Variants in TTC23 observed in about 807,000 individuals in gnomAD.
TTC23 encodes the protein tetratricopeptide repeat domain 23, also known as tetratricopeptide repeat protein 23.
TTC23 carries 58 observed loss-of-function variants against 55.1 expected under a neutral mutation model. That is an observed-to-expected ratio of 1.05 (90% CI 0.85 to 1.31). The LOEUF (loss-of-function observed/expected upper bound fraction) is 1.31, where lower values mean the gene tolerates loss of function less well. TTC23 is among the 50% of genes most tolerant of loss of function. The pLI is 0.00. For missense variants in TTC23, 516 were observed against 534.4 expected (o/e 0.97, Z 0.34); for synonymous variants, 203 against 199.9 (o/e 1.02, Z -0.13).
At chr15:99,156,439 T>C (rs1252664436) in intron 11 of TTC23, 142 bp from the exon 12 acceptor site, 1 of 972,660 alleles carries the variant, frequency 1.0e-6, no homozygotes, top group East Asian at 2.5e-5. Flanking sequence ...ATTCTCATGC[T>C]GCTATGAAGA....
chr15:99,160,637 A>C (rs1347779353), intron 11 of TTC23: 1 of 152,094 alleles, frequency 6.6e-6, no homozygotes, highest in Non-Finnish European at 1.5e-5. Context: ...AGGAACAACT[A>C]TATATATATG....
At chr15:99,205,282 G>T (rs1596650437) in intron 8 of TTC23, among the ~76,000 whole-genome samples, 1 of 151,922 alleles carries the variant, frequency 6.6e-6, no homozygotes, top group Non-Finnish European at 1.5e-5. Context: ...ACTCTTTTGG[G>T]ACTTTCGTGG....
At chr15:99,197,154 A>G (rs529519545) in intron 9 of TTC23, among the ~76,000 whole-genome samples, 229 of 151,656 alleles carry the variant, frequency 1.5e-3, no homozygotes, top group Middle Eastern at 3.4e-3. Context: ...CCAGGCTGGA[A>G]TGCAGTGGCG....
At chr15:99,199,792 A>T in intron 9 of TTC23, 127 bp downstream of exon 9, 1 of 926,146 alleles carries the variant, frequency 1.1e-6, no homozygotes, top group Non-Finnish European at 1.6e-6. Flanking sequence ...CATCTACTCT[A>T]GGCCAACTGT....
At chr15:99,200,212 C>G (rs2076087962) in intron 8 of TTC23, 116 bp from the exon 9 acceptor site, 3 of 943,108 alleles carry the variant, frequency 3.2e-6, no homozygotes, top group Admixed American at 3.2e-5. Flanking sequence ...GGTTCGTTTC[C>G]TTGCTAACTA....
intron 11 of TTC23, among the ~76,000 whole-genome samples, chr15:99,157,024 C>T (rs1408872154): frequency 6.6e-6 from 1 of 151,870 alleles, no homozygotes; most frequent in Non-Finnish European, 1.5e-5. Context: ...TTTTAATCCT[C>T]ATTAGGCAGA....
intron 5 of TTC23, 193 bp downstream of exon 5, chr15:99,228,340 G>T: frequency 2.3e-6 from 1 of 433,958 alleles, no homozygotes; most frequent in Non-Finnish European, 4.0e-6. Flanking sequence ...ATTTGTTGTT[G>T]GCCATGCGAA....
At chr15:99,195,005 G>C (rs747544291) in intron 9 of TTC23, among the ~76,000 whole-genome samples, 6 of 152,174 alleles carry the variant, frequency 3.9e-5, no homozygotes, top group African/African-American at 1.4e-4. Context: ...AGAAAATCTA[G>C]ATGACCTTGG....
intron 10 of TTC23, among the ~76,000 whole-genome samples, chr15:99,164,881 G>A (rs2602028): frequency 0.2 from 31,098 of 152,058 alleles, 3,328 homozygotes; most frequent in African/African-American, 0.24. Context: ...GCAGCAGGGT[G>A]AATGGGAAAG....
At chr15:99,199,091 C>G (rs1461862662) in intron 9 of TTC23, among the ~76,000 whole-genome samples, 1 of 152,136 alleles carries the variant, frequency 6.6e-6, no homozygotes, top group Non-Finnish European at 1.5e-5. Context: ...TATTCACAAT[C>G]AACTGATTTT....
intron 4 of TTC23, among the ~76,000 whole-genome samples, chr15:99,234,253 T>C (rs1289893931): frequency 6.6e-6 from 1 of 152,200 alleles, no homozygotes; most frequent in Non-Finnish European, 1.5e-5. Context: ...GGAGAAAATA[T>C]TTTCATAAAC....
intron 8 of TTC23, among the ~76,000 whole-genome samples, chr15:99,204,632 GT>G (rs56890685): frequency 5.7e-4 from 35 of 60,886 alleles, no homozygotes; most frequent in South Asian, 1.5e-3. Context: ...TAGATTTAAG[GT>G]TTTTTTTTTT....
intron 9 of TTC23, 55 bp from the exon 10 acceptor site, chr15:99,175,210 G>A (rs2151932044): frequency 3.5e-6 from 5 of 1,409,484 alleles, no homozygotes; most frequent in Non-Finnish European, 5.0e-6. Flanking sequence ...GCAGCAGCAG[G>A]GAATTAACTG....
At chr15:99,175,446 G>A (rs975472155) in intron 9 of TTC23, among the ~76,000 whole-genome samples, 2 of 152,256 alleles carry the variant, frequency 1.3e-5, no homozygotes, top group Non-Finnish European at 2.9e-5. Context: ...AGCAAAGGAA[G>A]GGGAGTTACA....
intron 12 of TTC23, among the ~76,000 whole-genome samples, chr15:99,146,996 C>T (rs1311349569): frequency 6.7e-6 from 1 of 150,186 alleles, no homozygotes; most frequent in African/African-American, 2.5e-5. Context: ...CTCACTGCAA[C>T]CTCTGCCTCC....
chr15:99,181,868 A>G (rs769225033), intron 9 of TTC23, among the ~76,000 whole-genome samples: 4 of 152,160 alleles, frequency 2.6e-5, no homozygotes, highest in Non-Finnish European at 5.9e-5. Flanking sequence ...GGACTAAGCC[A>G]GTTTCTTTTA....
At chr15:99,207,107 T>C (rs1283100712) in intron 8 of TTC23, among the ~76,000 whole-genome samples, 1 of 152,208 alleles carries the variant, frequency 6.6e-6, no homozygotes, top group Non-Finnish European at 1.5e-5. Context: ...AACTTTGATA[T>C]GTTTGAGAGA....
intron 9 of TTC23, among the ~76,000 whole-genome samples, chr15:99,197,315 G>T (rs186595790): frequency 6.6e-6 from 1 of 151,960 alleles, no homozygotes; most frequent in Non-Finnish European, 1.5e-5. Flanking sequence ...TGTTAGCCAG[G>T]ATGGTCTTGA....
intron 8 of TTC23, among the ~76,000 whole-genome samples, chr15:99,204,635 T>TTTTTTTTTTTTTTG (rs2076464214): frequency 8.1e-6 from 1 of 123,370 alleles, no homozygotes; most frequent in Non-Finnish European, 1.7e-5. Context: ...ATTTAAGGTT[T>TTTTTTTTTTTTTTG]TTTTTTTTTT....
Sources: allele counts gnomAD v4.1 joint callset (sites outside exome capture counted in the v4.1 genomes callset), GRCh38; gene constraint gnomAD v4.1.1; transcripts MANE v1.5; gene names NCBI Gene and HGNC (gene_info 2026-07-23, HGNC 2026-07-21).